The following KIF26B variants were observed in gnomAD, a reference collection of about 807,000 sequenced individuals.
KIF26B encodes the protein kinesin-like protein KIF26B.
Under a neutral mutation model 151.2 loss-of-function variants are expected in KIF26B, and 63 were observed. The observed-to-expected ratio is 0.42, with a 90% CI of 0.34 to 0.51. KIF26B has a LOEUF of 0.51. Ranked by LOEUF, KIF26B falls within the 20% of genes least tolerant of loss-of-function variation. The probability of loss-of-function intolerance (pLI) is 0.07; values close to 1 mark genes in which losing one functional copy is unlikely to be tolerated. For synonymous variants in KIF26B, 1,357 were observed against 1,262.1 expected (o/e 1.08, Z -1.59); for missense variants, 2,813 against 2,913.6 (o/e 0.97, Z 0.79).
intron 3 of KIF26B, among the ~76,000 whole-genome samples, chr1:245,379,594 C>A (rs1673356072): frequency 6.6e-6 from 1 of 150,898 alleles, no homozygotes. Context: ...TGTTTGCTTT[C>A]CTATTCTTTT....
rs188176215 is a variant in KIF26B, at chr1:245,375,340, G to T, written c.999+7973G>T. Among the ~76,000 whole-genome samples the T allele has an allele frequency of 6.6e-6, 1 of 152,266 alleles. No individual in the cohort carries two copies. Among genetic ancestry groups the T allele is most frequent in the East Asian group, 1.9e-4 (1 of 5,182 alleles). ...GATCTGCCTGCCTCAGCCTCCCAAA[G>T]TGCTGGGATTACAGGTATGAACCAC... On this transcript the variant is annotated intron_variant, in intron 3 of 14. Transcript: ENST00000407071. The surrounding 1 kb of genome is among the most constrained non-coding windows in gnomAD (Gnocchi z 4.2).
chr1:245,164,732 AT>A (rs1165508891), intron 2 of KIF26B, among the ~76,000 whole-genome samples: 1 of 152,204 alleles, frequency 6.6e-6, no homozygotes, highest in African/African-American at 2.4e-5. Flanking sequence ...GTGGGCAGCC[AT>A]TGGAGGGCAC....
intron 5 of KIF26B, among the ~76,000 whole-genome samples, chr1:245,545,570 G>A (rs1453152066): frequency 6.6e-6 from 1 of 152,092 alleles, no homozygotes; most frequent in Non-Finnish European, 1.5e-5. Context: ...CAATATGAAG[G>A]ACAATCTGAT....
At position 245,667,111 on chromosome 1, in the gene KIF26B, G is replaced by A. The variant is rs1265560031; in HGVS notation, c.2259-17122G>A. On this transcript the variant is annotated intron_variant, in intron 10 of 14. Transcript: ENST00000407071. This position sits in a 1 kb window ranked among gnomAD's most constrained non-coding sequence, Gnocchi z 4.3. ...GATGGGAGGCTGAAAGCATCTCTCT[G>A]CTGTGACGTAGGAGGGACCGTGAGC... Among the ~76,000 whole-genome samples the A allele has an allele frequency of 6.6e-6, 1 of 151,918 alleles. No homozygotes were observed. The highest frequency in any genetic ancestry group is 2.4e-5 in the African/African-American group (1 of 41,206).
chr1:245,349,002 A>G (rs1672512442), intron 2 of KIF26B, among the ~76,000 whole-genome samples: 3 of 152,120 alleles, frequency 2.0e-5, no homozygotes, highest in Admixed American at 2.0e-4. Context: ...GCCCTGCCTT[A>G]CTGTTCTCCA....
intron 2 of KIF26B, among the ~76,000 whole-genome samples, chr1:245,206,977 G>T (rs1209743217): frequency 6.6e-6 from 1 of 152,110 alleles, no homozygotes; most frequent in Non-Finnish European, 1.5e-5. Context: ...GATCAAGTCT[G>T]AATTAGCATG....
intron 3 of KIF26B, among the ~76,000 whole-genome samples, chr1:245,393,216 A>C (rs1441200823): frequency 1.3e-5 from 2 of 152,084 alleles, no homozygotes; most frequent in East Asian, 3.9e-4. Flanking sequence ...TATTTGTCAA[A>C]CTTTGTAAAA....
intron 9 of KIF26B, among the ~76,000 whole-genome samples, chr1:245,639,876 A>G (rs1437124189): frequency 2.0e-5 from 3 of 151,784 alleles, no homozygotes; most frequent in Admixed American, 2.0e-4. Flanking sequence ...TTTGTGGCCT[A>G]TCATATGGTC....
At chr1:245,396,737 T>C (rs1229911887) in intron 3 of KIF26B, among the ~76,000 whole-genome samples, 1 of 152,116 alleles carries the variant, frequency 6.6e-6, no homozygotes, top group African/African-American at 2.4e-5. Flanking sequence ...CATTACATGG[T>C]TCAGTTTTCC....
In KIF26B at chr1:245,276,582, G is replaced by T. The variant is rs1309810613; in HGVS notation, c.466-90252G>T. 2.0e-5 allele frequency among the ~76,000 whole-genome samples: 3 copies of T among 152,134 alleles called. No homozygotes were observed. The East Asian group carries it at 5.8e-4, about 29-fold the overall frequency. On this transcript the variant is annotated intron_variant, in intron 2 of 14. Coordinates refer to ENST00000407071, the MANE Select transcript of KIF26B (RefSeq NM_018012.4). Reference sequence around the variant, plus strand: ...GTCCCCTTGAAAAGCCTGGACATTGGACTATGATCCAGTCTACTCTTCCCC... The same window carrying T: ...GTCCCCTTGAAAAGCCTGGACATTGTACTATGATCCAGTCTACTCTTCCCC...
rs543297209 is a variant in KIF26B, at chr1:245,565,252, G to A, written c.1350+24302G>A. On this transcript the variant is annotated intron_variant, in intron 5 of 14. Coordinates refer to ENST00000407071, the MANE Select transcript of KIF26B (RefSeq NM_018012.4). ...TGGGCCCTCAGAGCACAGTGAATTC[G>A]AGGGCTCTGATGTATTCTGTTGTTT... is the stretch of plus-strand genomic sequence containing the variant. 2.0e-5 allele frequency among the ~76,000 whole-genome samples: 3 copies of A among 152,094 alleles called. No individual in the cohort carries two copies. The East Asian group carries it at 5.8e-4, about 29-fold the overall frequency.
chr1:245,701,815 C>T (rs1246904842), intron 14 of KIF26B, among the ~76,000 whole-genome samples: 1 of 152,184 alleles, frequency 6.6e-6, no homozygotes, highest in East Asian at 1.9e-4. Flanking sequence ...CTGTCCACGC[C>T]TCTCCTCCTC....
intron 9 of KIF26B, among the ~76,000 whole-genome samples, chr1:245,614,364 G>A (rs986434363): frequency 2.0e-5 from 3 of 152,278 alleles, no homozygotes; most frequent in East Asian, 3.9e-4. Flanking sequence ...AAGTAGAGAC[G>A]GAGTTTCACC....
At chr1:245,212,721 G>A (rs1257110067) in intron 2 of KIF26B, among the ~76,000 whole-genome samples, 11 of 152,202 alleles carry the variant, frequency 7.2e-5, no homozygotes, top group African/African-American at 2.4e-5. Flanking sequence ...CCTGAGAGGC[G>A]GCACCGTCGG....
At chr1:245,188,986 G>A (rs556004520) in intron 2 of KIF26B, among the ~76,000 whole-genome samples, 10 of 152,326 alleles carry the variant, frequency 6.6e-5, no homozygotes, top group African/African-American at 2.2e-4. Flanking sequence ...TTGCTTACAC[G>A]AGGTACATAA....
chr1:245,232,376 C>T (rs1670015674), intron 2 of KIF26B, among the ~76,000 whole-genome samples: 2 of 151,942 alleles, frequency 1.3e-5, no homozygotes, highest in South Asian at 2.1e-4. Context: ...AGAAGGCACC[C>T]GAGTAGATTT....
intron 4 of KIF26B, among the ~76,000 whole-genome samples, chr1:245,479,404 C>G (rs1004990508): frequency 3.3e-5 from 5 of 151,848 alleles, no homozygotes; most frequent in Non-Finnish European, 7.4e-5. Flanking sequence ...GTATTAATAT[C>G]TTAGAGGCAT....
At chr1:245,264,852 G>A (rs1290870367) in intron 2 of KIF26B, among the ~76,000 whole-genome samples, 1 of 150,196 alleles carries the variant, frequency 6.7e-6, no homozygotes, top group Non-Finnish European at 1.5e-5. Flanking sequence ...GAGATCGAGC[G>A]ACTGCACTCC....
chr1:245,333,966 T>C (rs1042110296), intron 2 of KIF26B, among the ~76,000 whole-genome samples: 4 of 151,606 alleles, frequency 2.6e-5, no homozygotes, highest in Non-Finnish European at 5.9e-5. Flanking sequence ...ACCACTGCAC[T>C]CCAGCCTGGG....
Sources: gnomAD v4.1 joint callset for allele counts (sites outside exome capture counted in the v4.1 genomes callset) on GRCh38, gnomAD v4.1.1 for gene constraint, Gnocchi (gnomAD v3.1) non-coding constraint, MANE v1.5 for transcripts, NCBI Gene and HGNC (gene_info 2026-07-23, HGNC 2026-07-21) for gene names.